Variants in STRN observed in about 807,000 individuals in gnomAD.
The protein encoded by STRN is protein phosphatase 2 regulatory subunit B'''alpha.
Under a neutral mutation model 96.3 loss-of-function variants are expected in STRN, and 53 were observed. The ratio of observed to expected loss-of-function variants is 0.55; its 90% confidence interval spans 0.44 to 0.69. STRN has a LOEUF of 0.69. Among genes scored for constraint, STRN ranks in the 30% least tolerant of loss-of-function variants. The pLI is 0.00. For missense variants in STRN, 987 were observed against 963.9 expected, an observed-to-expected ratio of 1.02 and a Z score of -0.32; for synonymous variants, 428 against 355.9, an observed-to-expected ratio of 1.20 and a Z score of -2.28.
In STRN at chr2:36,869,646, A is replaced by C; in HGVS notation, c.1407T>G (p.Leu469=). 2 of 1,613,146 alleles carry C rather than the reference A, an allele frequency of 1.2e-6. No individual in the cohort carries two copies. The highest frequency in any genetic ancestry group is 8.5e-7 in the Non-Finnish European group (1 of 1,179,534). Residue 469 remains leucine (L), a synonymous_variant, in exon 11 of 18, where the codon CTT becomes CTG. Transcript: ENST00000263918. The stretch of plus-strand genomic sequence containing the variant: ...AAACAGGCTCAATGGGATGGAAAGC[A>C]AGGGCTCGGATGCCATCAAAGTGAC... ...LRSHFDGIRA[L]AFHPIEPVLI...
chr2:36,883,935 C>A lies in STRN; in HGVS notation c.1183G>T (p.Glu395Ter). The change falls in exon 9 of 18, where the codon GAA becomes TAA. Residue 395 changes from glutamate (E) to a stop codon, truncating the protein, a stop_gained. Transcript: ENST00000263918. LOFTEE classifies it high-confidence loss of function. ...CCAGAGTATCTTAAATACTTACCTT[C>A]ATCTGCCCTATTAATTTCATGTTCA... Reference protein sequence around the residue: ...LPEHEINRADEVEALTFPPSS... With the variant: ...LPEHEINRAD 7.2e-7 allele frequency: 1 copy of A among 1,380,418 alleles called. No individual in the cohort carries two copies. Among genetic ancestry groups the A allele is most frequent in the South Asian group, 2.2e-5 (1 of 44,524 alleles). 85.5% of individuals were successfully genotyped at this position (1,380,418 alleles called of 1,614,324 possible).
intron 7 of STRN, among the ~76,000 whole-genome samples, chr2:36,887,125 A>C (rs1207407264): frequency 6.6e-6 from 1 of 151,788 alleles, no homozygotes; most frequent in Non-Finnish European, 1.5e-5. Flanking sequence ...AAGCACAAAC[A>C]CTTTACAATC....
intron 1 of STRN, among the ~76,000 whole-genome samples, chr2:36,954,513 A>C (rs1300468258): frequency 1.6e-4 from 24 of 150,562 alleles, no homozygotes; most frequent in Admixed American, 4.0e-4. Context: ...CCCTGTCTCA[A>C]ACAGGGGAAA....
intron 3 of STRN, among the ~76,000 whole-genome samples, chr2:36,915,456 T>C (rs1003964549): frequency 6.6e-6 from 1 of 151,630 alleles, no homozygotes; most frequent in African/African-American, 2.4e-5. Flanking sequence ...GTGAATTATA[T>C]CTATATTTCT....
At chr2:36,958,650 A>G (rs563036187) in intron 1 of STRN, among the ~76,000 whole-genome samples, 64 of 152,302 alleles carry the variant, frequency 4.2e-4, no homozygotes, top group African/African-American at 1.1e-3. Flanking sequence ...AAAAAGATGG[A>G]AAATACAGAG....
Position 36,861,196 on chromosome 2 carries a change from A to G in STRN, c.1605T>C (p.Gly535=). The G allele has an allele frequency of 1.2e-6, 2 of 1,614,110 alleles. No homozygotes were observed. Among genetic ancestry groups the G allele is most frequent in the Non-Finnish European group, 1.7e-6 (2 of 1,179,976 alleles). The change falls in exon 13 of 18, where the codon GGT becomes GGC. Residue 535 remains glycine, a synonymous_variant. Transcript: ENST00000263918. ...SSNGEQCYSG[G]TDGLIQGWNT... is the part of the protein sequence containing the mutation. ...TCCAGCCCTGGATCAGTCCATCAGTACCACCACTGTAACACTGCTCACCAT... is the reference window on the plus strand; with the variant it reads ...TCCAGCCCTGGATCAGTCCATCAGTGCCACCACTGTAACACTGCTCACCAT...
At chr2:36,903,855 G>A (rs992039902) in intron 4 of STRN, among the ~76,000 whole-genome samples, 1 of 152,014 alleles carries the variant, frequency 6.6e-6, no homozygotes, top group African/African-American at 2.4e-5. Context: ...TCTTGAAAAC[G>A]GCTTTAAAGA....
At position 36,849,367 on chromosome 2, in the gene STRN, G is replaced by C; in HGVS notation, c.*89C>G. On this transcript the variant is annotated 3_prime_UTR_variant, in exon 18 of 18. Coordinates refer to ENST00000263918, the MANE Select transcript of STRN (RefSeq NM_003162.4). ...CTCCTTCAGCAGAACAAAAGGGCAG[G>C]ACGAGATGATTCTTGCCCTCGTCTT... 2.1e-6 allele frequency: 3 copies of C among 1,457,188 alleles called. No individual in the cohort carries two copies. Among genetic ancestry groups the C allele is most frequent in the Non-Finnish European group, 1.9e-6 (2 of 1,066,292 alleles). The allele number at this position is 1,457,188 out of a possible 1,614,324, so 90.3% of individuals were successfully genotyped here. A position where few individuals can be genotyped will look rare whatever the true frequency, so the allele number is the denominator to read the frequency against.
intron 1 of STRN, among the ~76,000 whole-genome samples, chr2:36,930,396 C>G (rs1319154970): frequency 4.6e-5 from 7 of 150,782 alleles, no homozygotes; most frequent in African/African-American, 1.7e-4. Flanking sequence ...CATGCCACTG[C>G]ACTCCAGAAT....
intron 7 of STRN, among the ~76,000 whole-genome samples, chr2:36,891,632 T>C (rs1302773597): frequency 4.6e-5 from 7 of 152,130 alleles, no homozygotes; most frequent in African/African-American, 1.7e-4. Flanking sequence ...TAACATAATA[T>C]CTCTTGTAGA....
intron 3 of STRN, among the ~76,000 whole-genome samples, chr2:36,909,641 G>A (rs1281872243): frequency 6.6e-6 from 1 of 151,994 alleles, no homozygotes; most frequent in East Asian, 1.9e-4. Context: ...GCTGAAAAGT[G>A]CCAAATTCCA....
intron 14 of STRN, 146 bp from the exon 15 acceptor site, chr2:36,855,498 C>T: frequency 1.3e-6 from 1 of 772,850 alleles, no homozygotes; most frequent in Non-Finnish European, 2.0e-6. Flanking sequence ...CATAACTATT[C>T]ATTGGAGATT....
rs1378608881 is a variant in STRN at position 36,841,489 on chromosome 2, T to C, written c.*7967A>G. 1 of 152,214 alleles carries C rather than the reference T, an allele frequency of 6.6e-6. No homozygotes were observed. Among genetic ancestry groups the C allele is most frequent in the Non-Finnish European group, 1.5e-5 (1 of 68,038 alleles). The allele number at this position is 152,214 out of a possible 1,614,324, so 9.4% of individuals were successfully genotyped here. ...AAAATCACACTGAGTGATATTATTC[T>C]ATCAAGAGGATATTCTGAAATACGT... is the stretch of plus-strand genomic sequence containing the variant. On this transcript the variant is annotated 3_prime_UTR_variant, in exon 18 of 18. Transcript: ENST00000263918.
In STRN at chr2:36,881,265, C is replaced by A. The variant is rs186030982; in HGVS notation, c.1186+2667G>T. Among the ~76,000 whole-genome samples the A allele has an allele frequency of 1.5e-4, 23 of 151,786 alleles. No individual in the cohort carries two copies. The East Asian group carries it at 3.7e-3, about 24-fold the overall frequency. ...GCCTCAGCCTCCCAAGTAGCTGGGA[C>A]TACAGGCACACGCCACCATGTCCAG... On this transcript the variant is annotated intron_variant, in intron 9 of 17. Transcript: ENST00000263918.
At chr2:36,851,872 CTCA>C (rs1215840775) in intron 15 of STRN, among the ~76,000 whole-genome samples, 4 of 152,266 alleles carry the variant, frequency 2.6e-5, no homozygotes, top group East Asian at 1.9e-4. Context: ...ATCACTCTTC[CTCA>C]TCATAATAGA....
chr2:36,850,184 A>G (rs1668185291), intron 16 of STRN, among the ~76,000 whole-genome samples: 1 of 152,238 alleles, frequency 6.6e-6, no homozygotes, highest in South Asian at 2.1e-4. Context: ...AGAGAAAACA[A>G]TGAGGCAAGG....
At chr2:36,891,863 A>C (rs1326940134) in intron 7 of STRN, among the ~76,000 whole-genome samples, 1 of 152,218 alleles carries the variant, frequency 6.6e-6, no homozygotes, top group East Asian at 1.9e-4. Context: ...AAGGAGAAAA[A>C]AGTTCAACAG....
At chr2:36,873,484 C>T (rs902126552) in intron 10 of STRN, among the ~76,000 whole-genome samples, 1 of 152,046 alleles carries the variant, frequency 6.6e-6, no homozygotes, top group Non-Finnish European at 1.5e-5. Context: ...AGCCTGAGCC[C>T]AGAAGGCAGA....
At chr2:36,874,943 T>G (rs1242580952) in intron 10 of STRN, among the ~76,000 whole-genome samples, 1 of 152,142 alleles carries the variant, frequency 6.6e-6, no homozygotes, top group Non-Finnish European at 1.5e-5. Context: ...AAGCAAAATG[T>G]GTAAAGGATA....
Sources: gnomAD v4.1 joint callset for allele counts (sites outside exome capture counted in the v4.1 genomes callset) on GRCh38, gnomAD v4.1.1 for gene constraint, MANE v1.5 for transcripts, NCBI Gene and HGNC (gene_info 2026-07-23, HGNC 2026-07-21) for gene names.